Variants in TPD52 observed in about 807,000 individuals in gnomAD.
The protein encoded by TPD52 is prostate and colon associated protein.
A neutral mutation model predicts 31.3 loss-of-function variants in TPD52; 17 were observed. The ratio of observed to expected loss-of-function variants is 0.54; its 90% CI spans 0.37 to 0.82. TPD52 has a LOEUF of 0.82. Among genes scored for constraint, TPD52 ranks in the 40% least tolerant of loss-of-function variants. TPD52 has a pLI of 0.00. For synonymous variants in TPD52, 83 were observed against 89.6 expected (o/e 0.93, Z 0.42); for missense variants, 212 against 240.1 (o/e 0.88, Z 0.77).
intron 1 of TPD52, chr8:80,127,775 G>A (rs1808716591): frequency 6.7e-6 from 1 of 148,224 alleles, no homozygotes. Flanking sequence ...TCCCACTTGT[G>A]ATTTCTAAAT....
At chr8:80,099,284 T>C (rs1481215724) in intron 1 of TPD52, among the ~76,000 whole-genome samples, 1 of 152,170 alleles carries the variant, frequency 6.6e-6, no homozygotes, top group Non-Finnish European at 1.5e-5. Context: ...AACGGCCCTA[T>C]TATAATATCA....
chr8:80,084,370 T>C (rs1188070841), intron 1 of TPD52, among the ~76,000 whole-genome samples: 3 of 152,324 alleles, frequency 2.0e-5, no homozygotes, highest in East Asian at 1.9e-4. Flanking sequence ...CCAGACACTG[T>C]CAATCAATCA....
intron 7 of TPD52, 181 bp downstream of exon 7, chr8:80,042,439 C>T: frequency 4.1e-6 from 4 of 985,424 alleles, no homozygotes; most frequent in Non-Finnish European, 3.6e-6. Context: ...CTACAGCATA[C>T]ACTAAAAAGA....
intron 1 of TPD52, among the ~76,000 whole-genome samples, chr8:80,144,954 G>A (rs958673260): frequency 4.0e-5 from 6 of 151,772 alleles, no homozygotes. Context: ...CTGGTTGTGT[G>A]GAAAGGATTA....
At chr8:80,117,103 G>A (rs975350502) in intron 1 of TPD52, among the ~76,000 whole-genome samples, 1 of 152,156 alleles carries the variant, frequency 6.6e-6, no homozygotes, top group Non-Finnish European at 1.5e-5. Flanking sequence ...AAGGGTATTT[G>A]TTCTTATCAC....
chr8:80,164,898 C>CAAAAAAAAAAAAAAAAAAAAAAA (rs34027501), intron 1 of TPD52, among the ~76,000 whole-genome samples: 3 of 31,904 alleles, frequency 9.4e-5, no homozygotes, highest in African/African-American at 3.3e-4. Context: ...GACAATGTCT[C>CAAAAAAAAAAAAAAAAAAAAAAA]AAAAAAAAAA....
At position 80,145,844 on chromosome 8, in the gene TPD52, T is replaced by C. The variant is rs544796583; in HGVS notation, c.19+25581A>G. Among the ~76,000 whole-genome samples, 3 of 152,316 alleles carry C rather than the reference T, an allele frequency of 2.0e-5. No homozygotes were observed. In the East Asian group the frequency reaches 5.8e-4, roughly 29 times the overall value. On this transcript the variant is annotated intron_variant, in intron 1 of 7. Coordinates refer to ENST00000518937, the MANE Select transcript of TPD52 (RefSeq NM_001025253.3). ...CTAAATTTAAAAGTAATGCCCTTTA[T>C]TCTGAGATAATGTTTTTCCTGATTT...
intron 1 of TPD52, among the ~76,000 whole-genome samples, chr8:80,091,558 A>C (rs1352574889): frequency 6.6e-6 from 1 of 152,208 alleles, no homozygotes; most frequent in African/African-American, 2.4e-5. Context: ...TCAGATCATG[A>C]GAACACCAGA....
intron 3 of TPD52, chr8:80,052,704 G>C: frequency 7.8e-7 from 1 of 1,282,162 alleles, no homozygotes; most frequent in Non-Finnish European, 1.0e-6. Context: ...ACTGCATTAT[G>C]ATAATGCTAT....
intron 1 of TPD52, among the ~76,000 whole-genome samples, chr8:80,128,041 T>G (rs1042589652): frequency 6.6e-6 from 1 of 151,896 alleles, no homozygotes; most frequent in Non-Finnish European, 1.5e-5. Context: ...GAAAATTAGA[T>G]AGCTGCTGAA....
intron 1 of TPD52, among the ~76,000 whole-genome samples, chr8:80,123,543 A>C (rs942784614): frequency 6.6e-6 from 1 of 152,218 alleles, no homozygotes; most frequent in African/African-American, 2.4e-5. Flanking sequence ...CTGGCAACAC[A>C]GTAAGACCTC....
chr8:80,094,975 T>C (rs546755200), intron 1 of TPD52, among the ~76,000 whole-genome samples: 18 of 152,150 alleles, frequency 1.2e-4, no homozygotes, highest in African/African-American at 2.4e-4. Context: ...GGAGGAGAGA[T>C]GCTGGGACCA....
At chr8:80,100,087 C>G (rs4740101) in intron 1 of TPD52, among the ~76,000 whole-genome samples, 1 of 152,100 alleles carries the variant, frequency 6.6e-6, no homozygotes, top group Non-Finnish European at 1.5e-5. Flanking sequence ...TATCAAAACA[C>G]GCAATTTTAA....
intron 1 of TPD52, among the ~76,000 whole-genome samples, chr8:80,098,436 A>G (rs1806488428): frequency 6.6e-6 from 1 of 152,224 alleles, no homozygotes; most frequent in Non-Finnish European, 1.5e-5. Flanking sequence ...ATAGCATAAC[A>G]GGAGTTTGGA....
intron 1 of TPD52, among the ~76,000 whole-genome samples, chr8:80,091,979 A>G (rs980230377): frequency 2.0e-5 from 3 of 152,258 alleles, no homozygotes; most frequent in East Asian, 3.8e-4. Context: ...ACATTTGAAC[A>G]TAAGAGACAG....
intron 1 of TPD52, among the ~76,000 whole-genome samples, chr8:80,094,806 G>C (rs758362667): frequency 4.6e-5 from 7 of 151,412 alleles, no homozygotes; most frequent in Admixed American, 1.3e-4. Context: ...AAATAAGTTG[G>C]AACCATGATT....
intron 1 of TPD52, among the ~76,000 whole-genome samples, chr8:80,168,058 T>C (rs1811833297): frequency 6.6e-6 from 1 of 152,264 alleles, no homozygotes; most frequent in African/African-American, 2.4e-5. Context: ...CTGAGCTTAA[T>C]GCTTGGAAAC....
chr8:80,064,573 C>A lies in TPD52; in HGVS notation c.40G>T (p.Val14Phe), dbSNP rs765338899. 2.5e-6 allele frequency: 4 copies of A among 1,614,120 alleles called. No individual in the cohort carries two copies. In the East Asian group the frequency reaches 8.9e-5, roughly 36 times the overall value. ...GEQGLLRTDP[V>F]PEEGEDVAAT... ...GCAACATCTTCTCCTTCCTCAGGGACTGGGTCTGTTCTCAGCAGACCTGGT... is the reference window on the plus strand; with the variant it reads ...GCAACATCTTCTCCTTCCTCAGGGAATGGGTCTGTTCTCAGCAGACCTGGT... The change falls in exon 2 of 8, where the codon GTC becomes TTC. Residue 14 changes from valine (V) to phenylalanine (F), a missense_variant. Coordinates refer to ENST00000518937, the MANE Select transcript of TPD52 (RefSeq NM_001025253.3).
intron 1 of TPD52, among the ~76,000 whole-genome samples, chr8:80,131,440 TAATCTGGTATCAACTGTATCCAG>T (rs2131084972): frequency 6.6e-6 from 1 of 152,366 alleles, no homozygotes; most frequent in African/African-American, 2.4e-5. Flanking sequence ...TTTTAAGTGC[TAATCTGGTATCAACTGTATCCAG>T]GTATCTTCAA....
Sources: allele counts gnomAD v4.1 joint callset (sites outside exome capture counted in the v4.1 genomes callset), GRCh38; gene constraint gnomAD v4.1.1; transcripts MANE v1.5; gene names NCBI Gene and HGNC (gene_info 2026-07-23, HGNC 2026-07-21).